The following VXN variants were observed in gnomAD, a reference collection of about 807,000 sequenced individuals.
The protein encoded by VXN is vexin, also known as uncharacterized protein C8orf46.
Under a neutral mutation model 23.1 loss-of-function variants are expected in VXN, and 7 were observed. That is an observed-to-expected ratio of 0.30 (90% confidence interval 0.17 to 0.57). The LOEUF (loss-of-function observed/expected upper bound fraction) is 0.57, where lower values mean the gene tolerates loss of function less well. Among genes scored for constraint, VXN ranks in the 20% least tolerant of loss-of-function variants. The pLI, the probability that VXN is intolerant of heterozygous loss-of-function variation, is 0.91. For missense variants in VXN, 238 were observed against 272.6 expected (o/e 0.87, Z 0.89); for synonymous variants, 120 against 105.8 (o/e 1.13, Z -0.83).
chr8:66,499,959 T>C (rs1176003528), intron 2 of VXN, among the ~76,000 whole-genome samples: 3 of 152,006 alleles, frequency 2.0e-5, no homozygotes, highest in Non-Finnish European at 4.4e-5. Flanking sequence ...ACTCTTGGGC[T>C]CAAGCAAACC....
At chr8:66,499,220 G>GT in intron 2 of VXN, among the ~76,000 whole-genome samples, 1 of 133,420 alleles carries the variant, frequency 7.5e-6, no homozygotes, top group South Asian at 2.4e-4. Context: ...GTATTGGGTT[G>GT]GTTTTTTTTT....
In VXN at chr8:66,516,485, TCTTA is replaced by T. The variant is rs1191591056; in HGVS notation, c.*412_*415del. The T allele has an allele frequency of 6.5e-6, 1 of 154,150 alleles. No homozygotes were observed. The highest frequency in any genetic ancestry group is 1.4e-5 in the Non-Finnish European group (1 of 69,434). 9.5% of individuals were successfully genotyped at this position (154,150 alleles called of 1,614,324 possible). A position where few individuals can be genotyped will look rare whatever the true frequency, so the allele number is the denominator to read the frequency against. On this transcript the variant is annotated 3_prime_UTR_variant, in exon 6 of 6. Transcript: ENST00000305454. Reference sequence around the variant, plus strand: ...TTGAGGCACTTGTAAACACAATGGTTCTTACTGTTTCCATTACTGCATTTACTTC... The same window carrying T: ...TTGAGGCACTTGTAAACACAATGGTTCTGTTTCCATTACTGCATTTACTTC...
chr8:66,505,518 T>A lies in VXN; in HGVS notation c.270T>A (p.Ser90=). The A allele has an allele frequency of 6.6e-7, 1 of 1,525,372 alleles. No homozygotes were observed. Among genetic ancestry groups the A allele is most frequent in the Non-Finnish European group, 8.8e-7 (1 of 1,140,478 alleles). 94.5% of individuals were successfully genotyped at this position (1,525,372 alleles called of 1,614,324 possible). ...CCACAGCCCACCCGGCCAAAGCCTC[T>A]GCCAGACCCGGTACGTGAGTCCCGG... ...RPPTAHPAKA[S]ARPVGISEPK... is the part of the protein sequence containing the mutation. The change falls in exon 3 of 6, where the codon TCT becomes TCA. Residue 90 remains serine (S), a synonymous_variant. Transcript: ENST00000305454.
intron 2 of VXN, among the ~76,000 whole-genome samples, chr8:66,504,972 A>G (rs1472097944): frequency 2.0e-5 from 3 of 152,232 alleles, no homozygotes; most frequent in Non-Finnish European, 4.4e-5. Flanking sequence ...TCAGCTACAA[A>G]GACTGTAAGA....
At chr8:66,503,317 G>A (rs1467830488) in intron 2 of VXN, 2 of 152,176 alleles carry the variant, frequency 1.3e-5, no homozygotes, top group Non-Finnish European at 1.5e-5. Flanking sequence ...AATTGGGCTA[G>A]AACATTTCTG....
chr8:66,510,347 A>G (rs1807807882), intron 4 of VXN, 190 bp downstream of exon 4: 1 of 544,410 alleles, frequency 1.8e-6, no homozygotes, highest in Admixed American at 3.6e-5. Flanking sequence ...CTTGTGGAAT[A>G]TCCCTGGCTG....
intron 3 of VXN, among the ~76,000 whole-genome samples, chr8:66,506,878 G>A (rs1807765411): frequency 8.5e-6 from 1 of 117,646 alleles, no homozygotes. Flanking sequence ...TGCAAATTAA[G>A]ACGAGATAGA....
At chr8:66,493,780 A>G in intron 1 of VXN, 62 bp downstream of exon 1, 3 of 1,336,070 alleles carry the variant, frequency 2.2e-6, no homozygotes, top group Admixed American at 3.4e-5. Flanking sequence ...GGGGAAGGAC[A>G]GTCACGTGCT....
In VXN at chr8:66,507,740, G is replaced by C. The variant is rs369698573; in HGVS notation, c.280+2212G>C. On this transcript the variant is annotated intron_variant, in intron 3 of 5. Transcript: ENST00000305454. The stretch of plus-strand genomic sequence containing the variant: ...AAGAGAGAGAGAGAGAGACTGAGCT[G>C]GGGATTGGTTCAATTCCTTCACCTC... Among the ~76,000 whole-genome samples the C allele has an allele frequency of 8.5e-5, 13 of 152,052 alleles. No homozygotes were observed. In the East Asian group the frequency reaches 1.5e-3, roughly 18 times the overall value.
intron 5 of VXN, among the ~76,000 whole-genome samples, chr8:66,514,957 G>T (rs1470284590): frequency 6.6e-6 from 1 of 152,166 alleles, no homozygotes; most frequent in Non-Finnish European, 1.5e-5. Flanking sequence ...CAGAAGATTG[G>T]CTAGAAAGAA....
chr8:66,502,378 A>C (rs1267250267), intron 2 of VXN, among the ~76,000 whole-genome samples: 1 of 152,192 alleles, frequency 6.6e-6, no homozygotes, highest in Non-Finnish European at 1.5e-5. Flanking sequence ...TGGATAAATG[A>C]GATTGCAAAG....
intron 3 of VXN, 132 bp downstream of exon 3, chr8:66,505,660 G>C: frequency 1.7e-6 from 2 of 1,143,572 alleles, no homozygotes; most frequent in Non-Finnish European, 2.3e-6. Flanking sequence ...CCAAGCACCT[G>C]TGCTTTCCCA....
chr8:66,512,208 C>T (rs577875340), intron 4 of VXN, among the ~76,000 whole-genome samples: 2 of 152,254 alleles, frequency 1.3e-5, no homozygotes, highest in South Asian at 4.1e-4. Flanking sequence ...AGGGCCCACA[C>T]AGCTAAATCC....
chr8:66,502,759 AAAAAAGAAAAAG>A (rs916408975), intron 2 of VXN, among the ~76,000 whole-genome samples: 2 of 152,136 alleles, frequency 1.3e-5, no homozygotes, highest in East Asian at 1.9e-4. Flanking sequence ...AAAATAAACA[AAAAAAGAAAAAG>A]AAAAAGAAAA....
chr8:66,497,025 C>CAGG (rs1807634737), intron 2 of VXN, among the ~76,000 whole-genome samples: 1 of 152,170 alleles, frequency 6.6e-6, no homozygotes, highest in Admixed American at 6.5e-5. Context: ...GCTGGGACTA[C>CAGG]AGGCGCACGC....
Position 66,505,664 on chromosome 8 carries a change from T to G in VXN, c.280+136T>G, listed in dbSNP as rs530291645. ...GCGCCAGGTGACCAAGCACCTGTGC[T>G]TTCCCAAGTAAATGCTGTTTCCACC... On this transcript the variant is annotated intron_variant, in intron 3 of 5. Transcript: ENST00000305454. 81 of 1,110,736 alleles carry G rather than the reference T, an allele frequency of 7.3e-5. 1 individual carries two copies. The African/African-American group carries it at 1.2e-3, about 17-fold the overall frequency. The allele number at this position is 1,110,736 out of a possible 1,614,324, so 68.8% of individuals were successfully genotyped here.
At chr8:66,502,484 G>A (rs62512581) in intron 2 of VXN, among the ~76,000 whole-genome samples, 4 of 152,204 alleles carry the variant, frequency 2.6e-5, no homozygotes, top group South Asian at 2.1e-4. Flanking sequence ...ACAGTGGCTC[G>A]CACCTGTAAT....
chr8:66,495,948 C>G (rs1236543705), intron 1 of VXN, among the ~76,000 whole-genome samples: 1 of 152,184 alleles, frequency 6.6e-6, no homozygotes, highest in Non-Finnish European at 1.5e-5. Flanking sequence ...AACCACCATT[C>G]TACTTTTTGT....
chr8:66,505,447 C>T lies in VXN; in HGVS notation c.199C>T (p.Pro67Ser), dbSNP rs768540424. 1.8e-5 allele frequency: 28 copies of T among 1,575,040 alleles called. No homozygotes were observed. Among genetic ancestry groups the T allele is most frequent in the Non-Finnish European group, 2.4e-5 (28 of 1,160,970 alleles). ...GCCCCACCGCGGAGACCGCAGGGAC[C>T]CTGGCGACCGCCGCAGGTTTGGGCG... Reference protein sequence around the residue: ...LLPHRGDRRDPGDRRRFGRLQ... With the variant: ...LLPHRGDRRDSGDRRRFGRLQ... Residue 67 changes from proline (P) to serine (S), a missense_variant, in exon 3 of 6, where the codon CCT becomes TCT. Transcript: ENST00000305454.
Sources: gnomAD v4.1 joint callset for allele counts (sites outside exome capture counted in the v4.1 genomes callset) on GRCh38, gnomAD v4.1.1 for gene constraint, MANE v1.5 for transcripts, NCBI Gene and HGNC (gene_info 2026-07-23, HGNC 2026-07-21) for gene names.